Variants in PRKN observed in about 807,000 individuals in gnomAD.
The protein encoded by PRKN is E3 ubiquitin-protein ligase parkin.
Under a neutral mutation model 59.5 loss-of-function variants are expected in PRKN, and 56 were observed. The ratio of observed to expected loss-of-function variants is 0.94; its 90% CI spans 0.76 to 1.18. The LOEUF (loss-of-function observed/expected upper bound fraction) is 1.18. Among genes scored for constraint, PRKN ranks in the 50% most tolerant of loss-of-function variants. PRKN has a pLI of 0.00. For missense variants in PRKN, 657 were observed against 596.4 expected, an observed-to-expected ratio of 1.10 and a Z score of -1.06; for synonymous variants, 250 against 222.1, an observed-to-expected ratio of 1.13 and a Z score of -1.12.
chr6:162,346,472 C>G (rs932175985), intron 2 of PRKN, among the ~76,000 whole-genome samples: 1 of 147,584 alleles, frequency 6.8e-6, no homozygotes, highest in African/African-American at 2.5e-5. Flanking sequence ...AAAAAAAAAG[C>G]TAGCCAGGTG....
At chr6:162,626,033 G>A (rs1459673258) in intron 1 of PRKN, among the ~76,000 whole-genome samples, 1 of 152,128 alleles carries the variant, frequency 6.6e-6, no homozygotes, top group East Asian at 1.9e-4. Flanking sequence ...ACTGGGTAGA[G>A]ACTAGGAAAA....
Position 161,706,005 on chromosome 6 carries a change from T to C in PRKN, c.871+79767A>G, listed in dbSNP as rs138664191. ...CTGGAATGGAACAAATCAGTCCTTC[T>C]AGCCTTGCTTCCAGTAGCCCCACTC... On this transcript the variant is annotated intron_variant, in intron 7 of 11. Transcript: ENST00000366898. Among the ~76,000 whole-genome samples the C allele has an allele frequency of 1.7e-3, 263 of 152,116 alleles. 1 individual carries two copies. The highest frequency in any genetic ancestry group is 3.4e-3 in the Middle Eastern group (1 of 294).
intron 5 of PRKN, among the ~76,000 whole-genome samples, chr6:162,031,771 C>G (rs538349069): frequency 6.6e-6 from 1 of 152,176 alleles, no homozygotes; most frequent in South Asian, 2.1e-4. Context: ...CTCAGGTGAT[C>G]CACCCCACTC....
intron 1 of PRKN, among the ~76,000 whole-genome samples, chr6:162,618,923 A>G (rs1333591017): frequency 6.6e-6 from 1 of 152,230 alleles, no homozygotes; most frequent in Non-Finnish European, 1.5e-5. Flanking sequence ...GAACAGCTGG[A>G]TGACTCCAAC....
Position 162,470,066 on chromosome 6 carries a change from G to C in PRKN, c.8-26593C>G, listed in dbSNP as rs1345859654. 6.6e-5 allele frequency among the ~76,000 whole-genome samples: 10 copies of C among 152,176 alleles called. No individual in the cohort carries two copies. In the East Asian group the frequency reaches 1.7e-3, roughly 27 times the overall value. On this transcript the variant is annotated intron_variant, in intron 1 of 11. Transcript: ENST00000366898. ...TCACCATAAAAAGGCCTGACTATCA[G>C]TGCTGTCCTGCGAAAGTGAAGCATC... is the stretch of plus-strand genomic sequence containing the variant.
Position 161,422,752 on chromosome 6 carries a change from G to A in PRKN, c.1084-35875C>T, listed in dbSNP as rs190665732. On this transcript the variant is annotated intron_variant, in intron 9 of 11. Coordinates refer to ENST00000366898, the MANE Select transcript of PRKN (RefSeq NM_004562.3). ...GGAAGGCAGGCAGGCAGGGAGCAAG[G>A]AAGGAAGAGAGAAAAAGGAAAAAAT... 2.0e-4 allele frequency among the ~76,000 whole-genome samples: 30 copies of A among 152,234 alleles called. 1 individual carries two copies. Among genetic ancestry groups the A allele is most frequent in the Admixed American group, 1.6e-3 (25 of 15,288 alleles).
chr6:161,644,896 T>C (rs1178111583), intron 7 of PRKN, among the ~76,000 whole-genome samples: 2 of 152,220 alleles, frequency 1.3e-5, no homozygotes, highest in African/African-American at 4.8e-5. Flanking sequence ...AGTTGGATTC[T>C]ATTACAATGG....
rs867969579 is a variant in PRKN at position 162,010,693 on chromosome 6, T to A, written c.619-37276A>T. 7.0e-3 allele frequency among the ~76,000 whole-genome samples: 36 copies of A among 5,142 alleles called. 8 individuals carry two copies. The highest frequency in any genetic ancestry group is 7.7e-3 in the Non-Finnish European group (34 of 4,404). The allele number at this position is 5,142 out of a possible 152,430, so 3.4% of individuals were successfully genotyped here. ...AATATACTATATATTATATAATATA[T>A]TATATTATATATATTATATTATATA... On this transcript the variant is annotated intron_variant, in intron 5 of 11. Coordinates refer to ENST00000366898, the MANE Select transcript of PRKN (RefSeq NM_004562.3).
chr6:162,706,337 G>C (rs1778338494), intron 1 of PRKN, among the ~76,000 whole-genome samples: 1 of 152,158 alleles, frequency 6.6e-6, no homozygotes, highest in African/African-American at 2.4e-5. Context: ...AGCTCACTTA[G>C]GAGTTCTGGT....
chr6:162,501,090 TC>T (rs1305623192), intron 1 of PRKN, among the ~76,000 whole-genome samples: 4 of 152,060 alleles, frequency 2.6e-5, no homozygotes, highest in African/African-American at 9.7e-5. Context: ...ATTGCTTGAA[TC>T]CAGGAGTTCA....
chr6:162,558,284 T>A (rs1379993360), intron 1 of PRKN, among the ~76,000 whole-genome samples: 1 of 152,052 alleles, frequency 6.6e-6, no homozygotes, highest in Non-Finnish European at 1.5e-5. Flanking sequence ...CCATATTATT[T>A]TACATATTTT....
At chr6:161,651,409 C>A (rs1784145173) in intron 7 of PRKN, among the ~76,000 whole-genome samples, 1 of 152,186 alleles carries the variant, frequency 6.6e-6, no homozygotes, top group Non-Finnish European at 1.5e-5. Context: ...CTGAATAAGT[C>A]CCTGAGGGTG....
chr6:161,932,482 G>C (rs544276175), intron 6 of PRKN, among the ~76,000 whole-genome samples: 4 of 152,196 alleles, frequency 2.6e-5, no homozygotes, highest in Non-Finnish European at 5.9e-5. Flanking sequence ...AAATTTCAAA[G>C]TAAGATAAAA....
chr6:162,321,357 T>A (rs1015371000), intron 2 of PRKN, among the ~76,000 whole-genome samples: 1 of 151,944 alleles, frequency 6.6e-6, no homozygotes, highest in African/African-American at 2.4e-5. Context: ...AATAGACTTA[T>A]GTCTATTGAA....
chr6:162,540,434 G>C (rs1454020195), intron 1 of PRKN, among the ~76,000 whole-genome samples: 3 of 151,986 alleles, frequency 2.0e-5, no homozygotes, highest in Non-Finnish European at 4.4e-5. Context: ...AATATAGGTA[G>C]GCAGAATACA....
chr6:162,240,825 A>G (rs1289706401), intron 3 of PRKN, among the ~76,000 whole-genome samples: 1 of 152,216 alleles, frequency 6.6e-6, no homozygotes, highest in Non-Finnish European at 1.5e-5. Flanking sequence ...AGTACCATTC[A>G]GTTCAACACA....
chr6:162,281,980 G>A (rs879945424), intron 2 of PRKN, among the ~76,000 whole-genome samples: 1 of 152,082 alleles, frequency 6.6e-6, no homozygotes, highest in East Asian at 1.9e-4. Flanking sequence ...TACCTCACAC[G>A]TGCAGTTCAC....
At chr6:162,345,053 CTT>C (rs1784339455) in intron 2 of PRKN, among the ~76,000 whole-genome samples, 1 of 152,206 alleles carries the variant, frequency 6.6e-6, no homozygotes, top group East Asian at 1.9e-4. Flanking sequence ...TCAGAAACCT[CTT>C]TCTGTGCTCT....
chr6:162,056,867 C>T lies in PRKN; in HGVS notation c.535-2693G>A, dbSNP rs577191408. Among the ~76,000 whole-genome samples, 2 of 152,318 alleles carry T rather than the reference C, an allele frequency of 1.3e-5. No individual in the cohort carries two copies. ...GCTTCCTGGCAGACAACACTTCACA[C>T]GCGTTGTCACAACTGAGTGCCTCTC... On this transcript the variant is annotated intron_variant, in intron 4 of 11. Coordinates refer to ENST00000366898, the MANE Select transcript of PRKN (RefSeq NM_004562.3). The surrounding 1 kb of genome is among the most constrained non-coding windows in gnomAD (Gnocchi z 4.9).
Sources: gnomAD v4.1 joint callset for allele counts (sites outside exome capture counted in the v4.1 genomes callset) on GRCh38, gnomAD v4.1.1 for gene constraint, Gnocchi (gnomAD v3.1) non-coding constraint, MANE v1.5 for transcripts, NCBI Gene and HGNC (gene_info 2026-07-23, HGNC 2026-07-21) for gene names.